Variants in TOM1L2 observed in about 807,000 individuals in gnomAD.
TOM1L2 encodes target of myb1 like 2 membrane trafficking protein.
In TOM1L2, 31 loss-of-function variants were observed where a neutral mutation model predicts 67.9. That is an observed-to-expected ratio of 0.46 (90% CI 0.34 to 0.62). The LOEUF (loss-of-function observed/expected upper bound fraction) is 0.62, where lower values mean the gene tolerates loss of function less well. TOM1L2 is among the 20% of genes least tolerant of loss of function. The pLI is 0.01. For missense variants in TOM1L2, 606 were observed against 663.5 expected (o/e 0.91, Z 0.95); for synonymous variants, 256 against 254.0 (o/e 1.01, Z -0.07).
chr17:17,930,694 T>C (rs117422442), intron 1 of TOM1L2, among the ~76,000 whole-genome samples: 70 of 152,274 alleles, frequency 4.6e-4, no homozygotes, highest in Non-Finnish European at 7.9e-4. Context: ...GTAATTTTAG[T>C]AATAATTTAT....
At chr17:17,881,410 AC>A (rs1163385319) in intron 6 of TOM1L2, among the ~76,000 whole-genome samples, 1 of 152,008 alleles carries the variant, frequency 6.6e-6, no homozygotes, top group East Asian at 1.9e-4. Flanking sequence ...GACCCTGCAG[AC>A]CCAGCATCTT....
chr17:17,956,845 G>A (rs867982333), intron 1 of TOM1L2, among the ~76,000 whole-genome samples: 49 of 152,138 alleles, frequency 3.2e-4, no homozygotes, highest in African/African-American at 1.1e-3. Context: ...TCCCGCCCGC[G>A]CCTCTCCCTC....
At chr17:17,914,866 T>C (rs1246218653) in intron 1 of TOM1L2, among the ~76,000 whole-genome samples, 1 of 152,214 alleles carries the variant, frequency 6.6e-6, no homozygotes, top group Non-Finnish European at 1.5e-5. Flanking sequence ...GTTAGGGATA[T>C]ATCTTTTTTA....
intron 1 of TOM1L2, among the ~76,000 whole-genome samples, chr17:17,916,832 G>A (rs1051222623): frequency 6.6e-6 from 1 of 152,008 alleles, no homozygotes; most frequent in Non-Finnish European, 1.5e-5. Context: ...ACACCAGTCT[G>A]GTCAACACAG....
At chr17:17,953,989 T>C (rs900113205) in intron 1 of TOM1L2, among the ~76,000 whole-genome samples, 1 of 152,236 alleles carries the variant, frequency 6.6e-6, no homozygotes, top group Non-Finnish European at 1.5e-5. Flanking sequence ...CATCTTTGAA[T>C]TCAAAATCCC....
At chr17:17,923,953 T>G (rs1048563032) in intron 1 of TOM1L2, among the ~76,000 whole-genome samples, 1 of 151,844 alleles carries the variant, frequency 6.6e-6, no homozygotes, top group African/African-American at 2.4e-5. Flanking sequence ...CTGGCCAACA[T>G]GGTGAAACCC....
intron 1 of TOM1L2, among the ~76,000 whole-genome samples, chr17:17,910,214 CAGA>C (rs2039284412): frequency 6.6e-6 from 1 of 152,106 alleles, no homozygotes; most frequent in East Asian, 1.9e-4. Context: ...CCGGGGCCCG[CAGA>C]AGAAAAGGGA....
At chr17:17,888,503 T>C (rs972992439) in intron 4 of TOM1L2, among the ~76,000 whole-genome samples, 2 of 152,214 alleles carry the variant, frequency 1.3e-5, no homozygotes, top group African/African-American at 4.8e-5. Context: ...CAGCTCCTGC[T>C]TATGCCCCAG....
At chr17:17,903,419 C>T (rs929921951) in intron 2 of TOM1L2, among the ~76,000 whole-genome samples, 6 of 151,934 alleles carry the variant, frequency 3.9e-5, no homozygotes, top group Admixed American at 2.6e-4. Flanking sequence ...GTAAGGGGAT[C>T]GAGACCATGG....
At chr17:17,854,588 G>A (rs537508118) in intron 12 of TOM1L2, among the ~76,000 whole-genome samples, 4 of 151,966 alleles carry the variant, frequency 2.6e-5, no homozygotes, top group Non-Finnish European at 5.9e-5. Flanking sequence ...GCAGTGGTGC[G>A]ATCTCAGCTC....
Position 17,936,699 on chromosome 17 carries a change from A to T in TOM1L2, c.53-29168T>A, listed in dbSNP as rs542641163. 2.6e-5 allele frequency among the ~76,000 whole-genome samples: 4 copies of T among 152,334 alleles called. No homozygotes were observed. The South Asian group carries it at 8.3e-4, about 32-fold the overall frequency. ...GATATTTATAAGCTGTTTTTTAATT[A>T]AAAATGATTATTCTATATTAAGTGG... On this transcript the variant is annotated intron_variant, in intron 1 of 14. Transcript: ENST00000379504.
At chr17:17,907,640 C>G in intron 1 of TOM1L2, 109 bp from the exon 2 acceptor site, 1 of 919,968 alleles carries the variant, frequency 1.1e-6, no homozygotes, top group Non-Finnish European at 1.7e-6. Context: ...AGCAGATGGG[C>G]TGAGCCAACA....
chr17:17,881,119 G>A (rs940801626), intron 6 of TOM1L2, among the ~76,000 whole-genome samples: 1 of 152,188 alleles, frequency 6.6e-6, no homozygotes, highest in Non-Finnish European at 1.5e-5. Flanking sequence ...AGGGACAGGA[G>A]ACCTCAATCA....
intron 3 of TOM1L2, among the ~76,000 whole-genome samples, chr17:17,894,653 G>A (rs913832601): frequency 3.3e-5 from 5 of 152,208 alleles, no homozygotes; most frequent in East Asian, 1.9e-4. Context: ...AGCATAGGCC[G>A]GGCATAGTGG....
At chr17:17,875,319 T>C (rs1451387118) in intron 7 of TOM1L2, among the ~76,000 whole-genome samples, 11 of 150,182 alleles carry the variant, frequency 7.3e-5, no homozygotes, top group Admixed American at 7.3e-4. Context: ...GAGGGCCAGA[T>C]GTTAAAGACT....
At chr17:17,897,573 C>A (rs1444278916) in intron 3 of TOM1L2, among the ~76,000 whole-genome samples, 1 of 152,154 alleles carries the variant, frequency 6.6e-6, no homozygotes, top group Non-Finnish European at 1.5e-5. Flanking sequence ...AGAAATAACA[C>A]CTGAAGTCGT....
Position 17,905,722 on chromosome 17 carries a change from T to C in TOM1L2, c.137+1725A>G, listed in dbSNP as rs1246478346. Among the ~76,000 whole-genome samples the C allele has an allele frequency of 2.6e-5, 4 of 152,100 alleles. No individual in the cohort carries two copies. In the South Asian group the frequency reaches 6.2e-4, roughly 24 times the overall value. ...CCAGGCCATCGCTGGGTTTTCTGCA[T>C]TGTCCTTGGCCTGCCCCCAGTCAGG... On this transcript the variant is annotated intron_variant, in intron 2 of 14. Coordinates refer to ENST00000379504, the MANE Select transcript of TOM1L2 (RefSeq NM_001082968.2).
chr17:17,871,241 G>A (rs2037136924), intron 7 of TOM1L2, among the ~76,000 whole-genome samples: 1 of 152,082 alleles, frequency 6.6e-6, no homozygotes, highest in South Asian at 2.1e-4. Flanking sequence ...GTTGGTGGCG[G>A]GCACCTGTAG....
intron 1 of TOM1L2, among the ~76,000 whole-genome samples, chr17:17,919,420 T>C (rs1263822090): frequency 6.6e-6 from 1 of 152,142 alleles, no homozygotes; most frequent in East Asian, 1.9e-4. Flanking sequence ...TTCAAAACCC[T>C]GGGAGCTCTA....
Sources: gnomAD v4.1 joint callset for allele counts (sites outside exome capture counted in the v4.1 genomes callset) on GRCh38, gnomAD v4.1.1 for gene constraint, MANE v1.5 for transcripts, NCBI Gene and HGNC (gene_info 2026-07-23, HGNC 2026-07-21) for gene names.